The following TOM1L1 variants were observed in gnomAD, a reference collection of about 807,000 sequenced individuals.
TOM1L1 encodes target of myb1 like 1 membrane trafficking protein, also known as TOM1-like protein 1.
A neutral mutation model predicts 63.4 loss-of-function variants in TOM1L1; 64 were observed. That is an observed-to-expected ratio of 1.01 (90% CI 0.83 to 1.24). TOM1L1 has a LOEUF of 1.24. Ranked by LOEUF, TOM1L1 falls within the 50% of genes most tolerant of loss-of-function variation. TOM1L1 has a pLI of 0.00. For missense variants in TOM1L1, 536 were observed against 567.0 expected, an observed-to-expected ratio of 0.95 and a Z score of 0.55; for synonymous variants, 166 against 194.4, an observed-to-expected ratio of 0.85 and a Z score of 1.22.
At chr17:54,946,849 C>T (rs962220122) in intron 11 of TOM1L1, among the ~76,000 whole-genome samples, 1 of 152,198 alleles carries the variant, frequency 6.6e-6, no homozygotes, top group African/African-American at 2.4e-5. Context: ...AATACTTGCT[C>T]TATGCATTCC....
At position 54,903,801 on chromosome 17, in the gene TOM1L1, A is replaced by G; in HGVS notation, c.143+9A>G. 2 of 1,612,318 alleles carry G rather than the reference A, an allele frequency of 1.2e-6. No homozygotes were observed. The highest frequency in any genetic ancestry group is 8.5e-7 in the Non-Finnish European group (1 of 1,178,696). On this transcript the variant is annotated intron_variant, in intron 2 of 15. Coordinates refer to ENST00000575882, the MANE Select transcript of TOM1L1 (RefSeq NM_005486.3). ...AACACTACCCAGGATGGGTGAGTAC[A>G]GCATGGTTTCCATGTATTTGCCTCT...
intron 3 of TOM1L1, among the ~76,000 whole-genome samples, chr17:54,906,407 T>G (rs1396313305): frequency 2.0e-5 from 3 of 148,202 alleles, no homozygotes; most frequent in South Asian, 4.3e-4. Context: ...AGGTGGAGAT[T>G]GCGGTGAGTC....
In TOM1L1 at chr17:54,900,887, C is replaced by T. The variant is rs559411583; in HGVS notation, c.22C>T (p.Arg8Trp). 5.0e-5 allele frequency: 80 copies of T among 1,613,754 alleles called. No homozygotes were observed. Among genetic ancestry groups the T allele is most frequent in the South Asian group, 1.4e-4 (13 of 91,068 alleles). The change falls in exon 1 of 16, where the codon CGG becomes TGG. Residue 8 changes from arginine (R) to tryptophan (W), a missense_variant. By Grantham distance (101) the Arg-to-Trp change is moderately radical. Transcript: ENST00000575882. Reference protein sequence around the residue: MAFGKSHRDPYATSVGHL... With the variant: MAFGKSHWDPYATSVGHL... ...TACCATGGCGTTTGGCAAGAGTCAC[C>T]GGGATCCCTACGCGACCTCCGTGGG...
At chr17:54,941,855 T>G (rs2049035901) in intron 11 of TOM1L1, among the ~76,000 whole-genome samples, 1 of 152,212 alleles carries the variant, frequency 6.6e-6, no homozygotes, top group Admixed American at 6.5e-5. Flanking sequence ...TATCATACAT[T>G]GAGAAACCCT....
intron 7 of TOM1L1, among the ~76,000 whole-genome samples, chr17:54,922,639 G>A (rs2048703759): frequency 6.6e-6 from 1 of 152,084 alleles, no homozygotes; most frequent in Non-Finnish European, 1.5e-5. Flanking sequence ...AAATTATAAG[G>A]AAGAGAACAT....
At position 54,961,616 on chromosome 17, in the gene TOM1L1, C is replaced by T. The variant is rs2077126758; in HGVS notation, c.*383C>T. ...TGAAATAATTCTGAATAGATGAAAG[C>T]ATAAAATGTGAGAAACTGAATGTAT... On this transcript the variant is annotated 3_prime_UTR_variant, in exon 16 of 16. Transcript: ENST00000575882. 5 of 1,131,174 alleles carry T rather than the reference C, an allele frequency of 4.4e-6. No homozygotes were observed. In the Admixed American group the frequency reaches 1.4e-4, roughly 32 times the overall value. 70.1% of individuals were successfully genotyped at this position (1,131,174 alleles called of 1,614,324 possible).
chr17:54,958,770 A>T (rs1390645246), intron 14 of TOM1L1, among the ~76,000 whole-genome samples: 1 of 146,454 alleles, frequency 6.8e-6, no homozygotes, highest in Non-Finnish European at 1.5e-5. Flanking sequence ...TAGCTAGAGG[A>T]TACTAAGGCA....
chr17:54,923,669 C>T (rs1047654190), intron 7 of TOM1L1, among the ~76,000 whole-genome samples: 2 of 151,940 alleles, frequency 1.3e-5, no homozygotes, highest in East Asian at 1.9e-4. Context: ...TCTCAGCCTC[C>T]GGAGTAGCTG....
chr17:54,943,705 G>A (rs894479980), intron 11 of TOM1L1, among the ~76,000 whole-genome samples: 3 of 152,052 alleles, frequency 2.0e-5, no homozygotes, highest in Admixed American at 6.6e-5. Context: ...TGGGCCGGGC[G>A]CAGTGGCTCA....
intron 7 of TOM1L1, among the ~76,000 whole-genome samples, chr17:54,929,616 TTTATAG>T (rs1311820773): frequency 6.6e-6 from 1 of 152,224 alleles, no homozygotes; most frequent in Non-Finnish European, 1.5e-5. Flanking sequence ...ATGTTTATGC[TTTATAG>T]TTATAGAGTT....
intron 14 of TOM1L1, 83 bp from the exon 15 acceptor site, chr17:54,960,483 T>C (rs2077091420): frequency 2.0e-6 from 2 of 997,088 alleles, no homozygotes; most frequent in Admixed American, 1.8e-5. Flanking sequence ...GCTCAATTTT[T>C]AATTACAGTG....
intron 11 of TOM1L1, among the ~76,000 whole-genome samples, chr17:54,943,829 T>C (rs1316438880): frequency 6.6e-6 from 1 of 151,650 alleles, no homozygotes; most frequent in South Asian, 2.1e-4. Flanking sequence ...ATACAAAAAA[T>C]TAGCTGGGCG....
Position 54,903,749 on chromosome 17 carries a change from C to A in TOM1L1, c.100C>A (p.Gln34Lys). ...TGGAGTTCAGACTGAAGATTGGGGCCAGTTCATGCACATCTGTGACATAAT... is the reference window on the plus strand; with the variant it reads ...TGGAGTTCAGACTGAAGATTGGGGCAAGTTCATGCACATCTGTGACATAAT... ...FAGVQTEDWG[Q>K]FMHICDIINT... is the part of the protein sequence containing the mutation. Residue 34 changes from glutamine (Q) to lysine (K), a missense_variant, in exon 2 of 16, where the codon CAG (glutamine) becomes AAG (lysine). By Grantham distance (53) the Gln-to-Lys change is moderately conservative. Transcript: ENST00000575882. 6.2e-7 allele frequency: 1 copy of A among 1,614,170 alleles called. No homozygotes were observed. The highest frequency in any genetic ancestry group is 8.5e-7 in the Non-Finnish European group (1 of 1,180,018).
chr17:54,908,934 G>A (rs1254977006), intron 3 of TOM1L1, among the ~76,000 whole-genome samples: 1 of 152,148 alleles, frequency 6.6e-6, no homozygotes, highest in Non-Finnish European at 1.5e-5. Context: ...AAAAAGCTTG[G>A]TTTATTCTCC....
chr17:54,901,053 C>A, intron 1 of TOM1L1, 130 bp downstream of exon 1: 2 of 1,299,870 alleles, frequency 1.5e-6, no homozygotes, highest in Non-Finnish European at 2.1e-6. Flanking sequence ...CCCCCCGCAA[C>A]TTTCCCAAGG....
chr17:54,947,794 T>G (rs919290524), intron 12 of TOM1L1, among the ~76,000 whole-genome samples: 2 of 152,236 alleles, frequency 1.3e-5, no homozygotes, highest in Non-Finnish European at 2.9e-5. Flanking sequence ...GGCTTCAGAC[T>G]TTTCTATCTA....
At chr17:54,901,758 G>A (rs1319434612) in intron 1 of TOM1L1, among the ~76,000 whole-genome samples, 1 of 152,092 alleles carries the variant, frequency 6.6e-6, no homozygotes, top group African/African-American at 2.4e-5. Context: ...GTAGTAAAGA[G>A]GCCCAGATTT....
rs1412033970 is a variant in TOM1L1 at position 54,912,701 on chromosome 17, T to G, written c.258T>G (p.Ser86Arg). 6.2e-7 allele frequency: 1 copy of G among 1,607,368 alleles called. No individual in the cohort carries two copies. The highest frequency in any genetic ancestry group is 8.5e-7 in the Non-Finnish European group (1 of 1,178,066). The change falls in exon 4 of 16, where the codon AGT (serine) becomes AGG (arginine). Residue 86 changes from serine (S) to arginine (R), a missense_variant. Transcript: ENST00000575882. ...TGTGTGTGCAGAACTGTGGTCCAAG[T>G]TTCCAGTCTCTGATTGTGAAGAAGG... ...IDMCVQNCGP[S>R]FQSLIVKKEF...
At chr17:54,956,556 A>G (rs1248354717) in intron 14 of TOM1L1, among the ~76,000 whole-genome samples, 1 of 151,848 alleles carries the variant, frequency 6.6e-6, no homozygotes, top group Non-Finnish European at 1.5e-5. Context: ...TCATCTACCC[A>G]CCTCAGCCTC....
Sources: gnomAD v4.1 joint callset for allele counts (sites outside exome capture counted in the v4.1 genomes callset) on GRCh38, gnomAD v4.1.1 for gene constraint, MANE v1.5 for transcripts, NCBI Gene and HGNC (gene_info 2026-07-23, HGNC 2026-07-21) for gene names.